CDH18: variants seen among roughly 807,000 people sequenced by gnomAD.
CDH18 encodes cadherin 18.
In CDH18, 31 loss-of-function variants were observed where a neutral mutation model predicts 67.9. The observed-to-expected ratio is 0.46, with a 90% CI of 0.34 to 0.62. The LOEUF is 0.62. Ranked by LOEUF, CDH18 falls within the 20% of genes least tolerant of loss-of-function variation. CDH18 has a pLI of 0.01. For missense variants in CDH18, 890 were observed against 975.5 expected (o/e 0.91, Z 1.17); for synonymous variants, 362 against 347.2 (o/e 1.04, Z -0.48).
At chr5:19,497,778 A>C (rs1339537212) in intron 11 of CDH18, among the ~76,000 whole-genome samples, 3 of 152,222 alleles carry the variant, frequency 2.0e-5, no homozygotes. Context: ...GAATGCATGC[A>C]TTAAGAAGTT....
At chr5:20,413,597 G>T (rs1338114618) in intron 1 of CDH18, among the ~76,000 whole-genome samples, 1 of 152,136 alleles carries the variant, frequency 6.6e-6, no homozygotes, top group African/African-American at 2.4e-5. Context: ...TCTGTTGGCT[G>T]CATAAATGTC....
chr5:19,599,303 A>T (rs986379875), intron 6 of CDH18, among the ~76,000 whole-genome samples: 3 of 152,150 alleles, frequency 2.0e-5, no homozygotes, highest in African/African-American at 7.2e-5. Flanking sequence ...TGTAAACAAT[A>T]TCTGTTATAT....
intron 2 of CDH18, among the ~76,000 whole-genome samples, chr5:19,906,241 T>A (rs1411184930): frequency 6.6e-6 from 1 of 151,968 alleles, no homozygotes; most frequent in Admixed American, 6.6e-5. Flanking sequence ...ACATTAATTA[T>A]GTAGGTCTCA....
At chr5:19,847,223 C>T (rs1475819975) in intron 2 of CDH18, among the ~76,000 whole-genome samples, 3 of 151,946 alleles carry the variant, frequency 2.0e-5, no homozygotes, top group Non-Finnish European at 4.4e-5. Flanking sequence ...ACTCATTGAT[C>T]TTTTCTCAAT....
At chr5:20,079,775 C>CTT (rs1744285980) in intron 2 of CDH18, among the ~76,000 whole-genome samples, 1 of 152,138 alleles carries the variant, frequency 6.6e-6, no homozygotes, top group African/African-American at 2.4e-5. Flanking sequence ...GTGGCTTAAA[C>CTT]AATAAGCATT....
chr5:19,550,283 T>C (rs1466223271), intron 8 of CDH18, among the ~76,000 whole-genome samples: 1 of 152,110 alleles, frequency 6.6e-6, no homozygotes, highest in Non-Finnish European at 1.5e-5. Context: ...ATTATTATAC[T>C]TTAAGTTTTA....
At chr5:20,427,807 A>G (rs1748418065) in intron 1 of CDH18, among the ~76,000 whole-genome samples, 1 of 151,248 alleles carries the variant, frequency 6.6e-6, no homozygotes, top group African/African-American at 2.5e-5. Context: ...ATGTTTCAGA[A>G]AAAAAGTCTG....
intron 2 of CDH18, among the ~76,000 whole-genome samples, chr5:20,002,147 AC>A (rs1401228856): frequency 2.6e-5 from 4 of 152,172 alleles, no homozygotes; most frequent in Non-Finnish European, 5.9e-5. Flanking sequence ...TCTTTCCAGT[AC>A]ATTTCTACTA....
Position 19,565,344 on chromosome 5 carries a change from T to C in CDH18, c.1253+6235A>G, listed in dbSNP as rs12109781. Among the ~76,000 whole-genome samples, 1,480 of 152,246 alleles carry C rather than the reference T, an allele frequency of 9.7e-3. 29 individuals are homozygous for C. Among genetic ancestry groups the C allele is most frequent in the African/African-American group, 0.034 (1,392 of 41,548 alleles). Reference sequence around the variant, plus strand: ...CTGCTGAGCTCCAGGCAGATCAACATGGACAGAGAAACTCCATTTGTTTAG... The same window carrying C: ...CTGCTGAGCTCCAGGCAGATCAACACGGACAGAGAAACTCCATTTGTTTAG... On this transcript the variant is annotated intron_variant, in intron 8 of 12. Transcript: ENST00000382275.
chr5:20,564,630 TTTC>T (rs1758402118), intron 1 of CDH18, among the ~76,000 whole-genome samples: 1 of 152,152 alleles, frequency 6.6e-6, no homozygotes, highest in Admixed American at 6.6e-5. Context: ...GCAAAGTTAA[TTTC>T]TTCTTTATTG....
chr5:20,280,412 T>C (rs1746160984), intron 1 of CDH18, among the ~76,000 whole-genome samples: 1 of 152,128 alleles, frequency 6.6e-6, no homozygotes, highest in African/African-American at 2.4e-5. Flanking sequence ...CCTGTGACCA[T>C]GCGTCCTCAT....
At chr5:20,360,499 G>A (rs147152780) in intron 1 of CDH18, among the ~76,000 whole-genome samples, 85 of 152,192 alleles carry the variant, frequency 5.6e-4, no homozygotes, top group Non-Finnish European at 1.1e-3. Context: ...CAATTTGGTT[G>A]GAATTCTGCC....
chr5:20,430,292 A>G (rs1160286207), intron 1 of CDH18, among the ~76,000 whole-genome samples: 1 of 152,226 alleles, frequency 6.6e-6, no homozygotes, highest in African/African-American at 2.4e-5. Flanking sequence ...CGGACACATC[A>G]GCCACTTTGC....
chr5:20,016,504 A>G (rs1390169104), intron 2 of CDH18, among the ~76,000 whole-genome samples: 1 of 152,196 alleles, frequency 6.6e-6, no homozygotes, highest in Non-Finnish European at 1.5e-5. Flanking sequence ...AGAAAAAGAC[A>G]GTGATAGAAG....
chr5:20,185,433 C>A (rs980620225), intron 2 of CDH18, among the ~76,000 whole-genome samples: 1 of 152,038 alleles, frequency 6.6e-6, no homozygotes, highest in Non-Finnish European at 1.5e-5. Flanking sequence ...CCGTTGCCTG[C>A]CCATGTCACT....
chr5:20,493,020 AC>A (rs753083134), intron 1 of CDH18, among the ~76,000 whole-genome samples: 26 of 152,154 alleles, frequency 1.7e-4, no homozygotes, highest in Non-Finnish European at 2.5e-4. Flanking sequence ...TGTGTCATGC[AC>A]TATGGAAATA....
intron 1 of CDH18, among the ~76,000 whole-genome samples, chr5:20,297,788 C>G (rs994321663): frequency 6.6e-6 from 1 of 152,152 alleles, no homozygotes; most frequent in Non-Finnish European, 1.5e-5. Flanking sequence ...ATGAACCCCA[C>G]TCTGATGCTC....
intron 1 of CDH18, among the ~76,000 whole-genome samples, chr5:20,413,335 G>A (rs191185899): frequency 2.1e-3 from 315 of 152,270 alleles, no homozygotes; most frequent in African/African-American, 7.4e-3. Context: ...CCAGTAATGG[G>A]ATGGCTGGGT....
chr5:19,751,847 C>A (rs1229519878), intron 3 of CDH18, among the ~76,000 whole-genome samples: 2 of 152,094 alleles, frequency 1.3e-5, no homozygotes, highest in Non-Finnish European at 2.9e-5. Context: ...GACTGGATTG[C>A]AGCTATAACT....
Sources: allele counts gnomAD v4.1 joint callset (sites outside exome capture counted in the v4.1 genomes callset), GRCh38; gene constraint gnomAD v4.1.1; transcripts MANE v1.5; gene names NCBI Gene and HGNC (gene_info 2026-07-23, HGNC 2026-07-21).